STIM1: variants seen among roughly 807,000 people sequenced by gnomAD.
STIM1 encodes the protein stromal interaction molecule 1.
STIM1 carries 25 observed loss-of-function variants against 74.7 expected under a neutral mutation model. The observed-to-expected ratio is 0.33, with a 90% CI of 0.24 to 0.47. The LOEUF is 0.47. Among genes scored for constraint, STIM1 ranks in the 20% least tolerant of loss-of-function variants. The probability of loss-of-function intolerance (pLI) is 1.00; values close to 1 mark genes in which losing one functional copy is unlikely to be tolerated. For missense variants in STIM1, 728 were observed against 920.8 expected, an observed-to-expected ratio of 0.79 and a Z score of 2.71; for synonymous variants, 328 against 348.8, an observed-to-expected ratio of 0.94 and a Z score of 0.66.
intron 1 of STIM1, among the ~76,000 whole-genome samples, chr11:3,872,949 C>T (rs2091165516): frequency 6.7e-6 from 1 of 150,344 alleles, no homozygotes; most frequent in African/African-American, 2.4e-5. Context: ...ATGTTACTCC[C>T]ACTTTTTTTT....
intron 1 of STIM1, among the ~76,000 whole-genome samples, chr11:3,905,734 T>C (rs765523326): frequency 6.6e-6 from 1 of 152,214 alleles, no homozygotes; most frequent in Non-Finnish European, 1.5e-5. Context: ...ATTCAGCTAG[T>C]TAGTGGTGGA....
chr11:3,952,255 A>T (rs941411222), intron 1 of STIM1, among the ~76,000 whole-genome samples: 3 of 152,118 alleles, frequency 2.0e-5, no homozygotes, highest in South Asian at 2.1e-4. Flanking sequence ...TCTACAAAAA[A>T]TACAAAAATT....
intron 1 of STIM1, among the ~76,000 whole-genome samples, chr11:3,915,325 A>G (rs2135497044): frequency 6.6e-6 from 1 of 152,172 alleles, no homozygotes; most frequent in African/African-American, 2.4e-5. Flanking sequence ...CCCGGGCTCA[A>G]GCAATACACC....
intron 3 of STIM1, among the ~76,000 whole-genome samples, chr11:4,039,439 T>C (rs1323497695): frequency 6.6e-6 from 1 of 151,512 alleles, no homozygotes; most frequent in East Asian, 2.0e-4. Context: ...ATACAAAAAT[T>C]AGCTGGGCAT....
At position 4,008,140 on chromosome 11, in the gene STIM1, A is replaced by G. The variant is rs536378393; in HGVS notation, c.271-15733A>G. On this transcript the variant is annotated intron_variant, in intron 2 of 12. Transcript: ENST00000526596. ...ATAAGATTATAATATATTTTACTATATCTTTTTTATGTTTGGATATGTTTA... is the reference window on the plus strand; with the variant it reads ...ATAAGATTATAATATATTTTACTATGTCTTTTTTATGTTTGGATATGTTTA... Among the ~76,000 whole-genome samples the G allele has an allele frequency of 5.9e-5, 9 of 152,286 alleles. No homozygotes were observed. The East Asian group carries it at 1.7e-3, about 29-fold the overall frequency.
intron 12 of STIM1, chr11:4,088,672 T>G: frequency 6.5e-7 from 1 of 1,534,834 alleles, no homozygotes; most frequent in Non-Finnish European, 8.7e-7. Flanking sequence ...GCCTGTTCAC[T>G]ACTTAATTTT....
At chr11:4,024,310 G>T (rs2093981546) in intron 3 of STIM1, among the ~76,000 whole-genome samples, 1 of 152,062 alleles carries the variant, frequency 6.6e-6, no homozygotes, top group Non-Finnish European at 1.5e-5. Flanking sequence ...GAGCTTGCTG[G>T]TCTCTTGAGG....
intron 5 of STIM1, among the ~76,000 whole-genome samples, chr11:4,063,501 T>C (rs2094345515): frequency 6.6e-6 from 1 of 152,240 alleles, no homozygotes; most frequent in African/African-American, 2.4e-5. Flanking sequence ...GCACGCACAC[T>C]GTATTTTTAG....
intron 1 of STIM1, among the ~76,000 whole-genome samples, chr11:3,897,509 TTTTTA>T (rs1487050314): frequency 6.6e-6 from 1 of 152,174 alleles, no homozygotes; most frequent in African/African-American, 2.4e-5. Context: ...TGTTTTTATT[TTTTTA>T]TTTTATTATT....
chr11:3,908,786 C>G (rs971086629), intron 1 of STIM1, among the ~76,000 whole-genome samples: 2 of 152,062 alleles, frequency 1.3e-5, no homozygotes, highest in African/African-American at 4.8e-5. Flanking sequence ...GCCTAGAAAC[C>G]AGAAGAAAGC....
chr11:3,960,017 T>C (rs1404741872), intron 1 of STIM1, among the ~76,000 whole-genome samples: 2 of 152,240 alleles, frequency 1.3e-5, no homozygotes, highest in African/African-American at 2.4e-5. Flanking sequence ...TTTTATTGAA[T>C]TGCATCCCAT....
intron 6 of STIM1, 51 bp from the exon 7 acceptor site, chr11:4,074,451 G>T (rs1255289765): frequency 6.2e-7 from 1 of 1,607,402 alleles, no homozygotes; most frequent in Non-Finnish European, 8.5e-7. Flanking sequence ...TGGCATGTTG[G>T]CTGGCACCCC....
intron 1 of STIM1, among the ~76,000 whole-genome samples, chr11:3,910,316 A>T (rs543362516): frequency 6.6e-6 from 1 of 152,228 alleles, no homozygotes; most frequent in Non-Finnish European, 1.5e-5. Context: ...TAGGGACTCT[A>T]GGCAGATGTT....
intron 11 of STIM1, 72 bp downstream of exon 11, chr11:4,084,837 G>A (rs1292428109): frequency 1.7e-6 from 2 of 1,204,622 alleles, no homozygotes; most frequent in East Asian, 5.7e-5. Flanking sequence ...TACCCCATGG[G>A]TCCCTTCTCC....
chr11:4,071,305 A>G (rs2094401987), intron 6 of STIM1, among the ~76,000 whole-genome samples: 1 of 151,966 alleles, frequency 6.6e-6, no homozygotes, highest in Non-Finnish European at 1.5e-5. Context: ...GCAGGAATTC[A>G]TGTAAAAGGA....
At position 4,082,862 on chromosome 11, in the gene STIM1, T is replaced by TG. The variant is rs761654472; in HGVS notation, c.1138-15dup. 4 of 1,605,918 alleles carry TG rather than the reference T, an allele frequency of 2.5e-6. No individual in the cohort carries two copies. In the Admixed American group the frequency reaches 5.0e-5, roughly 20 times the overall value. ...TCTCGAATCCCTGCTCTTTTTGAGCTGGGGGCCTCATCTTTGCAGGCTGAG... is the reference window on the plus strand; with the variant it reads ...TCTCGAATCCCTGCTCTTTTTGAGCTGGGGGGCCTCATCTTTGCAGGCTGAG... On this transcript the variant is annotated intron_variant, in intron 8 of 12. Coordinates refer to ENST00000526596, the MANE Select transcript of STIM1 (RefSeq NM_001382567.1).
At chr11:3,917,144 G>C (rs945279217) in intron 1 of STIM1, among the ~76,000 whole-genome samples, 2 of 152,108 alleles carry the variant, frequency 1.3e-5, no homozygotes, top group African/African-American at 4.8e-5. Context: ...CTATTGGCTT[G>C]TCTGTATCTC....
chr11:4,008,946 T>C (rs1208996785), intron 2 of STIM1, among the ~76,000 whole-genome samples: 1 of 152,182 alleles, frequency 6.6e-6, no homozygotes, highest in Non-Finnish European at 1.5e-5. Flanking sequence ...ATATGGAGAA[T>C]TGATTTTTTC....
At chr11:4,019,442 G>A (rs1333400304) in intron 2 of STIM1, among the ~76,000 whole-genome samples, 1 of 152,144 alleles carries the variant, frequency 6.6e-6, no homozygotes, top group African/African-American at 2.4e-5. Context: ...GGGAGGCTGA[G>A]GCAGGAGGAT....
Sources: gnomAD v4.1 joint callset for allele counts (sites outside exome capture counted in the v4.1 genomes callset) on GRCh38, gnomAD v4.1.1 for gene constraint, MANE v1.5 for transcripts, NCBI Gene and HGNC (gene_info 2026-07-23, HGNC 2026-07-21) for gene names.